Variants in CHST9 observed in about 807,000 individuals in gnomAD.
The protein encoded by CHST9 is carbohydrate sulfotransferase 9, also known as GalNAc-4-sulfotransferase 2.
In CHST9, 41 loss-of-function variants were observed where a neutral mutation model predicts 44.4. The ratio of observed to expected loss-of-function variants is 0.92; its 90% CI spans 0.72 to 1.20. The LOEUF is 1.20. Ranked by LOEUF, CHST9 falls within the 50% of genes most tolerant of loss-of-function variation. CHST9 has a pLI of 0.00. For missense variants in CHST9, 504 were observed against 516.5 expected, an observed-to-expected ratio of 0.98 and a Z score of 0.23; for synonymous variants, 171 against 178.4, an observed-to-expected ratio of 0.96 and a Z score of 0.33.
chr18:26,986,970 G>A lies in CHST9; in HGVS notation c.202+37146C>T, dbSNP rs1201676885. Among the ~76,000 whole-genome samples the A allele has an allele frequency of 1.1e-4, 17 of 152,272 alleles. No individual in the cohort carries two copies. The South Asian group carries it at 3.3e-3, about 30-fold the overall frequency. ...AATGAAAACCTGTGTTTATACAAAG[G>A]TATAAAAAGCAACAGGATTATTAGC... is the stretch of plus-strand genomic sequence containing the variant. On this transcript the variant is annotated intron_variant, in intron 4 of 5. Transcript: ENST00000618847.
intron 2 of CHST9, among the ~76,000 whole-genome samples, chr18:27,080,967 T>G (rs1164641141): frequency 2.0e-5 from 3 of 151,900 alleles, no homozygotes; most frequent in Non-Finnish European, 4.4e-5. Context: ...AAAATCAGAG[T>G]TATGTTTGAG....
At chr18:26,980,244 T>A (rs1412935857) in intron 4 of CHST9, among the ~76,000 whole-genome samples, 4 of 152,312 alleles carry the variant, frequency 2.6e-5, no homozygotes, top group East Asian at 3.9e-4. Context: ...CAAAGAAGAC[T>A]ATGAGCTCCT....
At chr18:27,106,300 A>C (rs1021875750) in intron 2 of CHST9, among the ~76,000 whole-genome samples, 17 of 152,190 alleles carry the variant, frequency 1.1e-4, no homozygotes, top group African/African-American at 3.9e-4. Flanking sequence ...AAATTAGTTG[A>C]GCCTCAACTT....
chr18:27,099,017 A>G (rs2058144936), intron 2 of CHST9, among the ~76,000 whole-genome samples: 1 of 152,106 alleles, frequency 6.6e-6, no homozygotes, highest in African/African-American at 2.4e-5. Context: ...AACAGAATAG[A>G]GAATCAAGAA....
chr18:27,103,377 G>A (rs1050683025), intron 2 of CHST9, among the ~76,000 whole-genome samples: 4 of 152,188 alleles, frequency 2.6e-5, no homozygotes, highest in East Asian at 1.9e-4. Flanking sequence ...CAGTGGACAG[G>A]CAGTGCCTCT....
intron 4 of CHST9, among the ~76,000 whole-genome samples, chr18:27,020,111 G>T (rs2057206693): frequency 6.6e-6 from 1 of 152,206 alleles, no homozygotes. Context: ...ATGACACTAG[G>T]AGATTAAAGC....
chr18:27,037,163 C>T (rs1293265924), intron 3 of CHST9, among the ~76,000 whole-genome samples: 1 of 152,144 alleles, frequency 6.6e-6, no homozygotes, highest in Non-Finnish European at 1.5e-5. Context: ...CACATCTTAG[C>T]CTTGGCGTTT....
At chr18:27,177,324 A>C (rs2058876316) in intron 1 of CHST9, among the ~76,000 whole-genome samples, 2 of 152,066 alleles carry the variant, frequency 1.3e-5, no homozygotes, top group East Asian at 3.9e-4. Context: ...GTGCCTATTT[A>C]ATTTTTAAAT....
intron 4 of CHST9, among the ~76,000 whole-genome samples, chr18:26,991,130 G>C (rs578033838): frequency 6.6e-6 from 1 of 152,166 alleles, no homozygotes; most frequent in Non-Finnish European, 1.5e-5. Context: ...GTGAGTATAG[G>C]ATAAGAGGGA....
chr18:26,960,887 T>C (rs959280722), intron 4 of CHST9, among the ~76,000 whole-genome samples: 1 of 152,234 alleles, frequency 6.6e-6, no homozygotes, highest in African/African-American at 2.4e-5. Flanking sequence ...TTTTTGCCCA[T>C]CATATGTTTT....
chr18:27,117,775 G>T (rs2058341113), intron 2 of CHST9, among the ~76,000 whole-genome samples: 2 of 152,174 alleles, frequency 1.3e-5, no homozygotes, highest in African/African-American at 2.4e-5. Flanking sequence ...AAGTACCACA[G>T]TTAACTTGTC....
At chr18:27,172,153 T>C (rs2058838305) in intron 1 of CHST9, among the ~76,000 whole-genome samples, 2 of 152,178 alleles carry the variant, frequency 1.3e-5, no homozygotes, top group African/African-American at 4.8e-5. Context: ...AGAGTACAAA[T>C]AGCTTCCAGC....
chr18:26,935,441 A>G (rs2055971116), intron 5 of CHST9: 1 of 152,210 alleles, frequency 6.6e-6, no homozygotes. Context: ...TCAAAGCTTT[A>G]GGTCAGGCAA....
At chr18:27,069,511 C>G (rs1041949114) in intron 2 of CHST9, among the ~76,000 whole-genome samples, 1 of 152,120 alleles carries the variant, frequency 6.6e-6, no homozygotes, top group South Asian at 2.1e-4. Context: ...AGTCTTCTTC[C>G]TATACTCATA....
chr18:26,984,729 CA>C (rs200222761), intron 4 of CHST9, among the ~76,000 whole-genome samples: 2,834 of 61,676 alleles, frequency 0.046, 50 homozygotes, highest in African/African-American at 0.11. Flanking sequence ...TACCAAAAGA[CA>C]AAAAAAAAAA....
chr18:27,037,402 A>G (rs79017003), intron 3 of CHST9, among the ~76,000 whole-genome samples: 4,877 of 152,280 alleles, frequency 0.032, 290 homozygotes, highest in African/African-American at 0.11. Context: ...GAAAAGACAA[A>G]CAAATGCCTG....
chr18:27,005,861 T>C (rs2057010106), intron 4 of CHST9, among the ~76,000 whole-genome samples: 1 of 152,118 alleles, frequency 6.6e-6, no homozygotes, highest in African/African-American at 2.4e-5. Flanking sequence ...GCCACTAATA[T>C]TGATGTAAGC....
chr18:27,108,809 G>A (rs1251742266), intron 2 of CHST9, among the ~76,000 whole-genome samples: 1 of 152,200 alleles, frequency 6.6e-6, no homozygotes, highest in Non-Finnish European at 1.5e-5. Context: ...TTCATATTGG[G>A]ACACAAAAAT....
intron 4 of CHST9, among the ~76,000 whole-genome samples, chr18:26,948,037 C>T (rs1476319842): frequency 2.0e-5 from 3 of 152,156 alleles, no homozygotes; most frequent in African/African-American, 7.2e-5. Context: ...GAAAATGTGG[C>T]ACATATACAC....
Sources: gnomAD v4.1 joint callset for allele counts (sites outside exome capture counted in the v4.1 genomes callset) on GRCh38, gnomAD v4.1.1 for gene constraint, MANE v1.5 for transcripts, NCBI Gene and HGNC (gene_info 2026-07-23, HGNC 2026-07-21) for gene names.